The following SNTG2 variants were observed in gnomAD, a reference collection of about 807,000 sequenced individuals.
The protein encoded by SNTG2 is gamma-2-syntrophin.
In SNTG2, 74 loss-of-function variants were observed where a neutral mutation model predicts 70.9. The ratio of observed to expected loss-of-function variants is 1.04; its 90% CI spans 0.86 to 1.27. The LOEUF is 1.27. Among genes scored for constraint, SNTG2 ranks in the 50% most tolerant of loss-of-function variants. The pLI, the probability that SNTG2 is intolerant of heterozygous loss-of-function variation, is 0.00. For synonymous variants in SNTG2, 278 were observed against 273.8 expected, an observed-to-expected ratio of 1.02 and a Z score of -0.15; for missense variants, 717 against 690.7, an observed-to-expected ratio of 1.04 and a Z score of -0.43.
chr2:1,297,175 G>C (rs1351668289), intron 14 of SNTG2, among the ~76,000 whole-genome samples: 1 of 152,144 alleles, frequency 6.6e-6, no homozygotes, highest in Non-Finnish European at 1.5e-5. Context: ...CCCACTGCCA[G>C]CCTCAGGTTC....
At position 997,954 on chromosome 2, in the gene SNTG2, G is replaced by A. The variant is rs189160465; in HGVS notation, c.72+46886G>A. On this transcript the variant is annotated intron_variant, in intron 1 of 16. Transcript: ENST00000308624. Reference sequence around the variant, plus strand: ...GCATGATGAGATTCTTGAGACCTCCGCCACTCTGTCTCTGCAAGAGGCTGT... The same window carrying A: ...GCATGATGAGATTCTTGAGACCTCCACCACTCTGTCTCTGCAAGAGGCTGT... Among the ~76,000 whole-genome samples, 164 of 152,158 alleles carry A rather than the reference G, an allele frequency of 1.1e-3. 1 individual carries two copies. Among genetic ancestry groups the A allele is most frequent in the African/African-American group, 3.7e-3 (154 of 41,512 alleles).
chr2:1,247,344 G>A lies in SNTG2; in HGVS notation c.906G>A (p.Trp302Ter). 1 of 1,613,464 alleles carries A rather than the reference G, an allele frequency of 6.2e-7. No individual in the cohort carries two copies. The highest frequency in any genetic ancestry group is 1.3e-5 in the African/African-American group (1 of 75,016). The stretch of plus-strand genomic sequence containing the variant: ...CTCTGCAGGTTGTGCATATGGGGTG[G>A]GTAAATGAGAAACTCCAAGGAGCTG... ...SPSDQVVHMGWVNEKLQGADS... is the reference protein window; with the variant it reads ...SPSDQVVHMG The change falls in exon 12 of 17, where the codon TGG becomes TGA. Residue 302 changes from tryptophan (W) to a stop codon, truncating the protein, a stop_gained. Transcript: ENST00000308624. LOFTEE classifies it high-confidence loss of function.
intron 9 of SNTG2, 27 bp from the exon 10 acceptor site, chr2:1,237,861 C>A (rs1558579604): frequency 6.3e-7 from 1 of 1,586,350 alleles, no homozygotes; most frequent in Admixed American, 1.8e-5. Context: ...GCTGCGGGGC[C>A]TCCTGGACAG....
chr2:1,080,311 C>T (rs1223218372), intron 1 of SNTG2, among the ~76,000 whole-genome samples: 3 of 152,168 alleles, frequency 2.0e-5, no homozygotes, highest in Non-Finnish European at 2.9e-5. Context: ...AGAGTGAGTG[C>T]GTCCTTCCAG....
intron 1 of SNTG2, among the ~76,000 whole-genome samples, chr2:1,052,863 T>C (rs994163119): frequency 1.9e-4 from 29 of 152,350 alleles, no homozygotes; most frequent in African/African-American, 2.9e-4. Flanking sequence ...CTGTAAGTTA[T>C]TCAGTTGCAG....
At chr2:1,185,348 T>G (rs1167074409) in intron 8 of SNTG2, among the ~76,000 whole-genome samples, 2 of 152,176 alleles carry the variant, frequency 1.3e-5, no homozygotes, top group Non-Finnish European at 2.9e-5. Flanking sequence ...GTCTGGAGGA[T>G]GGTAGCCTTC....
intron 1 of SNTG2, among the ~76,000 whole-genome samples, chr2:1,007,094 T>G (rs1659596539): frequency 1.3e-5 from 2 of 151,576 alleles, no homozygotes; most frequent in African/African-American, 4.9e-5. Context: ...GGGGAGGAGG[T>G]GCATGGGTTT....
intron 8 of SNTG2, among the ~76,000 whole-genome samples, chr2:1,205,697 C>A (rs893854553): frequency 1.3e-5 from 2 of 152,148 alleles, no homozygotes; most frequent in African/African-American, 4.8e-5. Flanking sequence ...AGTACAGGCT[C>A]CCCCTCGCCC....
intron 4 of SNTG2, among the ~76,000 whole-genome samples, chr2:1,132,508 T>G (rs990222555): frequency 6.6e-6 from 1 of 152,152 alleles, no homozygotes; most frequent in Admixed American, 6.5e-5. Flanking sequence ...TTTTCCCTTA[T>G]GTTTTGTCAT....
At chr2:1,157,825 T>G (rs190283284) in intron 6 of SNTG2, among the ~76,000 whole-genome samples, 7 of 152,182 alleles carry the variant, frequency 4.6e-5, no homozygotes, top group African/African-American at 1.7e-4. Context: ...GCGGGTGATA[T>G]GAGCCCAGCA....
intron 4 of SNTG2, among the ~76,000 whole-genome samples, chr2:1,116,498 G>C (rs116664921): frequency 0.01 from 1,543 of 151,380 alleles, 21 homozygotes; most frequent in African/African-American, 0.036. Flanking sequence ...GGGTGCCCTG[G>C]TGTGTGTGTG....
At chr2:1,183,428 C>T (rs901065060) in intron 8 of SNTG2, among the ~76,000 whole-genome samples, 11 of 152,234 alleles carry the variant, frequency 7.2e-5, no homozygotes, top group Admixed American at 2.0e-4. Flanking sequence ...AGATCCTACT[C>T]GGCAGTTTTT....
intron 14 of SNTG2, among the ~76,000 whole-genome samples, chr2:1,291,664 G>A (rs1019756292): frequency 1.3e-5 from 2 of 152,144 alleles, no homozygotes; most frequent in African/African-American, 4.8e-5. Context: ...ACCTATGTGA[G>A]GGTTTCTTTC....
rs1280653663 is a variant in SNTG2 at position 1,353,895 on chromosome 2, G to A, written c.1489-13448G>A. On this transcript the variant is annotated intron_variant, in intron 16 of 16. Transcript: ENST00000308624. This position sits in a 1 kb window ranked among gnomAD's most constrained non-coding sequence, Gnocchi z 4.2. ...ATTAGCATTTATGTGTTGATTGAAA[G>A]TGTCACTCTGGTGATAGATGGGGCA... 6.6e-6 allele frequency: 1 copy of A among 152,186 alleles called. No homozygotes were observed. Among genetic ancestry groups the A allele is most frequent in the South Asian group, 2.1e-4 (1 of 4,830 alleles). The allele number at this position is 152,186 out of a possible 1,614,324, so 9.4% of individuals were successfully genotyped here. A position where few individuals can be genotyped will look rare whatever the true frequency, so the allele number is the denominator to read the frequency against.
chr2:1,267,336 A>T (rs1364455874), intron 13 of SNTG2, 29 bp from the exon 14 acceptor site: 2 of 1,564,188 alleles, frequency 1.3e-6, no homozygotes, highest in Non-Finnish European at 1.7e-6. Flanking sequence ...CCAGCGCTGC[A>T]CGTTTCCAAT....
intron 14 of SNTG2, among the ~76,000 whole-genome samples, chr2:1,293,801 C>G (rs907759868): frequency 6.6e-6 from 1 of 152,140 alleles, no homozygotes; most frequent in Non-Finnish European, 1.5e-5. Context: ...ATGATATCTA[C>G]ATGGGAGAAG....
At chr2:956,261 C>A (rs559747888) in intron 1 of SNTG2, among the ~76,000 whole-genome samples, 3,214 of 129,186 alleles carry the variant, frequency 0.025, 180 homozygotes, top group African/African-American at 0.093. Flanking sequence ...CCCTGCGCCT[C>A]CCCCTGCCCT....
chr2:1,226,054 C>T (rs1558562702), intron 9 of SNTG2, among the ~76,000 whole-genome samples: 1 of 151,840 alleles, frequency 6.6e-6, no homozygotes, highest in South Asian at 2.1e-4. Context: ...TGATAACTTT[C>T]AAAAACATAT....
chr2:1,074,341 G>T (rs1323530426), intron 1 of SNTG2, among the ~76,000 whole-genome samples: 4 of 152,112 alleles, frequency 2.6e-5, no homozygotes. Flanking sequence ...CATTCTTTTT[G>T]ATCTAAATCT....
Sources: allele counts gnomAD v4.1 joint callset (sites outside exome capture counted in the v4.1 genomes callset), GRCh38; gene constraint gnomAD v4.1.1; non-coding constraint Gnocchi (gnomAD v3.1); transcripts MANE v1.5; gene names NCBI Gene and HGNC (gene_info 2026-07-23, HGNC 2026-07-21).